The following SETMAR variants were observed in gnomAD, a reference collection of about 807,000 sequenced individuals.
SETMAR encodes SET and mariner transposase domain methyltransferase.
In SETMAR, 44 loss-of-function variants were observed where a neutral mutation model predicts 58.4. The ratio of observed to expected loss-of-function variants is 0.75; its 90% CI spans 0.59 to 0.97. SETMAR has a LOEUF of 0.97. SETMAR is among the 50% of genes least tolerant of loss of function. SETMAR has a pLI of 0.00. For missense variants in SETMAR, 903 were observed against 840.2 expected (o/e 1.07, Z -0.92); for synonymous variants, 332 against 307.4 (o/e 1.08, Z -0.84).
rs956524639 is a variant in SETMAR, at chr3:4,316,991, A to G, written c.1800A>G (p.Gln600=). 1.9e-6 allele frequency: 3 copies of G among 1,549,272 alleles called. No homozygotes were observed. In the Admixed American group the frequency reaches 5.9e-5, roughly 30 times the overall value. ...ARPHVAQPTL[Q]KLNELGYEVL... ...CGCATGTTGCACAACCCACACTTCA[A>G]AAGTTGAATGAATTGGGCTATGAAG... is the stretch of plus-strand genomic sequence containing the variant. The change falls in exon 3 of 3, where the codon CAA becomes CAG. Residue 600 remains glutamine, a synonymous_variant. Transcript: ENST00000358065.
intron 1 of SETMAR, among the ~76,000 whole-genome samples, chr3:4,311,202 CAG>C: frequency 6.6e-6 from 1 of 152,296 alleles, no homozygotes; most frequent in East Asian, 1.9e-4. Context: ...CTCCCCAGCT[CAG>C]AGTTTTTTTT....
intron 1 of SETMAR, among the ~76,000 whole-genome samples, chr3:4,310,763 A>C (rs1162655591): frequency 6.6e-6 from 1 of 152,186 alleles, no homozygotes; most frequent in Non-Finnish European, 1.5e-5. Context: ...TTTTAAAAGA[A>C]GTTATCCATG....
chr3:4,307,703 G>C (rs979659893), intron 1 of SETMAR, among the ~76,000 whole-genome samples: 4 of 152,006 alleles, frequency 2.6e-5, no homozygotes, highest in Non-Finnish European at 4.4e-5. Context: ...TGATACATAC[G>C]AAGAAAAAGT....
In SETMAR at chr3:4,317,203, G is replaced by T. The variant is rs539157918; in HGVS notation, c.2012G>T (p.Arg671Leu). 6.5e-7 allele frequency: 1 copy of T among 1,548,202 alleles called. No individual in the cohort carries two copies. Among genetic ancestry groups the T allele is most frequent in the Non-Finnish European group, 8.7e-7 (1 of 1,145,886 alleles). ...ACAGGAATAAACCAACTTATTTCTC[G>T]TTGGCAAAAATGTGTTGATTGTAAT... The part of the protein sequence containing the change: ...YATGINQLIS[R>L]WQKCVDCNGS... The change falls in exon 3 of 3, where the codon CGT becomes CTT. Residue 671 changes from arginine (R) to leucine (L), a missense_variant. Transcript: ENST00000358065.
chr3:4,305,458 TTTC>T (rs1346704280), intron 1 of SETMAR, among the ~76,000 whole-genome samples: 2 of 152,146 alleles, frequency 1.3e-5, no homozygotes, highest in African/African-American at 4.8e-5. Flanking sequence ...TTGTAAAATG[TTTC>T]TTATCTAACT....
chr3:4,303,702 C>T (rs1459104477), intron 1 of SETMAR, 176 bp downstream of exon 1: 5 of 1,501,618 alleles, frequency 3.3e-6, no homozygotes, highest in East Asian at 5.5e-5. Context: ...TTCTGTTGAC[C>T]CACGGCATCA....
chr3:4,315,867 T>G (rs962950460), intron 2 of SETMAR, among the ~76,000 whole-genome samples: 1 of 151,854 alleles, frequency 6.6e-6, no homozygotes, highest in Non-Finnish European at 1.5e-5. Flanking sequence ...GCCAACATGG[T>G]GAAACCCCAT....
At chr3:4,314,005 T>C (rs1430077437) in intron 2 of SETMAR, 2 of 648,934 alleles carry the variant, frequency 3.1e-6, no homozygotes, top group Non-Finnish European at 5.0e-6. Context: ...TAATAGGATA[T>C]AAGCAAAAAT....
In SETMAR at chr3:4,313,202, G is replaced by C; in HGVS notation, c.461G>C (p.Arg154Pro). ...ACGCATAAAAAAGGCTGGGGACTTCGTACCTTGGAATTTATACCGAAAGGA... is the reference window on the plus strand; with the variant it reads ...ACGCATAAAAAAGGCTGGGGACTTCCTACCTTGGAATTTATACCGAAAGGA... ...FKTHKKGWGL[R>P]TLEFIPKGRF... Residue 154 changes from arginine to proline, a missense_variant, in exon 2 of 3, where the codon CGT (arginine) becomes CCT (proline). By Grantham distance (103) the Arg-to-Pro change is moderately radical (BLOSUM62 -2). Transcript: ENST00000358065. The C allele has an allele frequency of 1.2e-6, 2 of 1,613,914 alleles. No homozygotes were observed. The highest frequency in any genetic ancestry group is 2.2e-5 in the East Asian group (1 of 44,876).
Position 4,316,725 on chromosome 3 carries a change from T to G in SETMAR, c.1534T>G (p.Leu512Val). ...CAACCGGCGACGATCAGCTCAGTGG[T>G]TGGATCAAGAAGAAGCTCCAAAGCA... Reference protein sequence around the residue: ...YDNRRRSAQWLDQEEAPKHFP... With the variant: ...YDNRRRSAQWVDQEEAPKHFP... Residue 512 changes from leucine (L) to valine (V), a missense_variant, in exon 3 of 3, where the codon TTG (leucine) becomes GTG (valine). Transcript: ENST00000358065. The G allele has an allele frequency of 1.3e-6, 2 of 1,550,886 alleles. No homozygotes were observed. The highest frequency in any genetic ancestry group is 1.7e-6 in the Non-Finnish European group (2 of 1,146,770).
chr3:4,313,174 A>G lies in SETMAR; in HGVS notation c.433A>G (p.Lys145Glu), dbSNP rs779189977. 28 of 1,614,070 alleles carry G rather than the reference A, an allele frequency of 1.7e-5. No individual in the cohort carries two copies. In the Middle Eastern group the frequency reaches 1.5e-3, roughly 86 times the overall value. Reference sequence around the variant, plus strand: ...TCTACAGTTCCACTTCCAAGTGTTCAAGACGCATAAAAAAGGCTGGGGACT... The same window carrying G: ...TCTACAGTTCCACTTCCAAGTGTTCGAGACGCATAAAAAAGGCTGGGGACT... The part of the protein sequence containing the change: ...KGLQFHFQVF[K>E]THKKGWGLRT... Residue 145 changes from lysine (K) to glutamate (E), a missense_variant, in exon 2 of 3, where the codon AAG becomes GAG. Lys to Glu is a moderately conservative substitution (Grantham distance 56). Transcript: ENST00000358065.
intron 1 of SETMAR, among the ~76,000 whole-genome samples, chr3:4,307,299 T>G (rs1444545785): frequency 6.6e-6 from 1 of 152,238 alleles, no homozygotes; most frequent in Non-Finnish European, 1.5e-5. Flanking sequence ...CGAAAAATGC[T>G]TCTTGAGCAC....
chr3:4,312,396 GA>G (rs1698440625), intron 1 of SETMAR, among the ~76,000 whole-genome samples: 1 of 151,854 alleles, frequency 6.6e-6, no homozygotes. Flanking sequence ...TCTGATAAGA[GA>G]AAAAAATAGT....
At position 4,313,125 on chromosome 3, in the gene SETMAR, C is replaced by T. The variant is rs762422975; in HGVS notation, c.384C>T (p.Cys128=). ...CNVLCRCSDH[C]RNRVVQKGLQ... ...TCCTGTGCCGATGCAGTGACCACTGCAGAAACAGAGTGGTCCAGAAAGGTC... is the reference window on the plus strand; with the variant it reads ...TCCTGTGCCGATGCAGTGACCACTGTAGAAACAGAGTGGTCCAGAAAGGTC... The change falls in exon 2 of 3, where the codon TGC becomes TGT. Residue 128 remains cysteine, a synonymous_variant. Transcript: ENST00000358065. 1 of 1,613,974 alleles carries T rather than the reference C, an allele frequency of 6.2e-7. No homozygotes were observed. The highest frequency in any genetic ancestry group is 8.5e-7 in the Non-Finnish European group (1 of 1,179,948).
chr3:4,316,809 G>A lies in SETMAR; in HGVS notation c.1618G>A (p.Ala540Thr). ...CATGGTCACTATTTGGTGGTCTGCT[G>A]CTGGTCTGATCCACTACAGCTTTCT... is the stretch of plus-strand genomic sequence containing the variant. The part of the protein sequence containing the change: ...KVMVTIWWSA[A>T]GLIHYSFLNP... Residue 540 changes from alanine to threonine, a missense_variant, in exon 3 of 3, where the codon GCT becomes ACT. Transcript: ENST00000358065. 6.4e-7 allele frequency: 1 copy of A among 1,550,638 alleles called. No individual in the cohort carries two copies. The highest frequency in any genetic ancestry group is 1.2e-5 in the South Asian group (1 of 84,034).
intron 1 of SETMAR, chr3:4,303,878 G>T: frequency 7.8e-7 from 1 of 1,279,118 alleles, no homozygotes; most frequent in Non-Finnish European, 1.0e-6. Context: ...GGTAGGATAA[G>T]CCGTGGGGCC....
chr3:4,313,406 T>G lies in SETMAR; in HGVS notation c.665T>G (p.Leu222Arg). 1 of 1,614,004 alleles carries G rather than the reference T, an allele frequency of 6.2e-7. No homozygotes were observed. Among genetic ancestry groups the G allele is most frequent in the Non-Finnish European group, 8.5e-7 (1 of 1,179,978 alleles). ...TATATAGGAAATATTGGAAGATTCC[T>G]TAATCATTCTTGTGAGCCAAACCTT... The part of the protein sequence containing the change: ...PTYIGNIGRF[L>R]NHSCEPNLLM... Residue 222 changes from leucine (L) to arginine (R), a missense_variant, in exon 2 of 3, where the codon CTT (leucine) becomes CGT (arginine). Physicochemically the swap from Leu to Arg is moderately radical, Grantham distance 102. Coordinates refer to ENST00000358065, the MANE Select transcript of SETMAR (RefSeq NM_006515.4).
In SETMAR at chr3:4,307,551, C is replaced by T. The variant is rs567614134; in HGVS notation, c.156+4025C>T. On this transcript the variant is annotated intron_variant, in intron 1 of 2. Transcript: ENST00000358065. ...TTGTTGCAGACAGGAATAGCCAAGA[C>T]AAGAGTGTATTTTCTCTTAAGTTTT... Among the ~76,000 whole-genome samples the T allele has an allele frequency of 2.2e-4, 34 of 152,276 alleles. 1 individual carries two copies. Among genetic ancestry groups the T allele is most frequent in the African/African-American group, 7.9e-4 (33 of 41,564 alleles).
chr3:4,306,223 A>AT (rs1698183710), intron 1 of SETMAR, among the ~76,000 whole-genome samples: 1 of 152,184 alleles, frequency 6.6e-6, no homozygotes, highest in Non-Finnish European at 1.5e-5. Flanking sequence ...ATCCAAGAAC[A>AT]ATCTGTAAAA....
Sources: allele counts gnomAD v4.1 joint callset (sites outside exome capture counted in the v4.1 genomes callset), GRCh38; gene constraint gnomAD v4.1.1; transcripts MANE v1.5; gene names NCBI Gene and HGNC (gene_info 2026-07-23, HGNC 2026-07-21).